The following SYN2 variants were observed in gnomAD, a reference collection of about 807,000 sequenced individuals.
SYN2 encodes the protein synapsin-2.
SYN2 carries 19 observed loss-of-function variants against 50.9 expected under a neutral mutation model. That is an observed-to-expected ratio of 0.37 (90% CI 0.26 to 0.55). The LOEUF is 0.55. Ranked by LOEUF, SYN2 falls within the 20% of genes least tolerant of loss-of-function variation. The pLI is 0.81. For missense variants in SYN2, 587 were observed against 576.4 expected (o/e 1.02, Z -0.19); for synonymous variants, 255 against 224.9 (o/e 1.13, Z -1.20).
intron 1 of SYN2, among the ~76,000 whole-genome samples, chr3:12,067,179 A>G (rs552295221): frequency 2.2e-4 from 34 of 152,338 alleles, no homozygotes; most frequent in Non-Finnish European, 4.0e-4. Context: ...GATTTGTTAA[A>G]TTATATTTCA....
At chr3:12,044,181 T>TCTCTCTCTCACACACACACACA (rs573246278) in intron 1 of SYN2, among the ~76,000 whole-genome samples, 25 of 53,402 alleles carry the variant, frequency 4.7e-4, no homozygotes, top group African/African-American at 1.1e-3. Context: ...TCTCTCTCTC[T>TCTCTCTCTCACACACACACACA]CACACACACA....
At chr3:12,149,802 T>G (rs1413994978) in intron 4 of SYN2, among the ~76,000 whole-genome samples, 1 of 152,062 alleles carries the variant, frequency 6.6e-6, no homozygotes, top group Non-Finnish European at 1.5e-5. Flanking sequence ...CAAAATCATA[T>G]CTATACCTAC....
rs796417746 is a variant in SYN2, at chr3:12,148,113, CA to C, written c.684+2290del. Among the ~76,000 whole-genome samples the C allele has an allele frequency of 1.4e-3, 186 of 137,224 alleles. No homozygotes were observed. In the Middle Eastern group the frequency reaches 0.019, roughly 14 times the overall value. 90.0% of individuals were successfully genotyped at this position (137,224 alleles called of 152,430 possible). On this transcript the variant is annotated intron_variant, in intron 4 of 12. Transcript: ENST00000621198. ...TGGGCGACAGAGCGAGACTCTGTCT[CA>C]AAAAAAAAAAAGAAATGTGTTCCCT...
At chr3:12,061,638 A>G (rs1276643906) in intron 1 of SYN2, among the ~76,000 whole-genome samples, 1 of 152,098 alleles carries the variant, frequency 6.6e-6, no homozygotes, top group Admixed American at 6.6e-5. Flanking sequence ...TTGTCTATGT[A>G]GAAAATTGCT....
intron 5 of SYN2, among the ~76,000 whole-genome samples, chr3:12,155,111 A>G (rs538123307): frequency 7.5e-4 from 50 of 66,376 alleles, no homozygotes; most frequent in African/African-American, 2.2e-3. Context: ...GTGCCACCTC[A>G]AAGCCATCTC....
chr3:12,116,022 A>G (rs1013104015), intron 1 of SYN2, among the ~76,000 whole-genome samples: 1 of 152,162 alleles, frequency 6.6e-6, no homozygotes, highest in African/African-American at 2.4e-5. Context: ...AGAGCCCTGA[A>G]TGAGTCATTG....
At chr3:12,066,084 C>G (rs1392379777) in intron 1 of SYN2, among the ~76,000 whole-genome samples, 1 of 151,940 alleles carries the variant, frequency 6.6e-6, no homozygotes, top group African/African-American at 2.4e-5. Context: ...TATACTAAAC[C>G]CTACTGAATT....
intron 1 of SYN2, among the ~76,000 whole-genome samples, chr3:12,049,591 G>A (rs1694812869): frequency 6.6e-6 from 1 of 152,098 alleles, no homozygotes. Flanking sequence ...GTATCAGAGT[G>A]CTATAGATGG....
intron 1 of SYN2, among the ~76,000 whole-genome samples, chr3:12,110,896 G>T (rs554293377): frequency 6.6e-6 from 1 of 152,320 alleles, no homozygotes; most frequent in African/African-American, 2.4e-5. Flanking sequence ...TGATTTTATA[G>T]GCTCCTAGCC....
Position 12,139,294 on chromosome 3 carries a change from C to T in SYN2, c.378-1357C>T, listed in dbSNP as rs1401722504. Reference sequence around the variant, plus strand: ...AGGGTAGGAAGTATTTGTAGTGGGACTAATGCTCACATCATTAAGTCCCTT... The same window carrying T: ...AGGGTAGGAAGTATTTGTAGTGGGATTAATGCTCACATCATTAAGTCCCTT... On this transcript the variant is annotated intron_variant, in intron 1 of 12. Coordinates refer to ENST00000621198, the MANE Select transcript of SYN2 (RefSeq NM_133625.6). 4.6e-5 allele frequency among the ~76,000 whole-genome samples: 7 copies of T among 152,272 alleles called. No homozygotes were observed. The East Asian group carries it at 1.4e-3, about 29-fold the overall frequency.
chr3:12,072,096 A>G (rs1438970952), intron 1 of SYN2, among the ~76,000 whole-genome samples: 1 of 152,214 alleles, frequency 6.6e-6, no homozygotes, highest in African/African-American at 2.4e-5. Context: ...TTAAAAAAAA[A>G]CAAAAACCTT....
intron 1 of SYN2, among the ~76,000 whole-genome samples, chr3:12,020,883 A>G (rs917169087): frequency 1.3e-5 from 2 of 152,232 alleles, no homozygotes; most frequent in Admixed American, 6.5e-5. Flanking sequence ...GTAATAAAGT[A>G]TGATTTATTA....
At chr3:12,157,017 A>G (rs1344077733) in intron 5 of SYN2, 1 of 1,002,208 alleles carries the variant, frequency 1.0e-6, no homozygotes, top group Admixed American at 2.3e-5. Flanking sequence ...CTCACTTCTC[A>G]GCCTAAAAAT....
intron 1 of SYN2, among the ~76,000 whole-genome samples, chr3:12,076,128 G>A (rs142959194): frequency 9.2e-5 from 14 of 152,178 alleles, no homozygotes; most frequent in East Asian, 5.8e-4. Flanking sequence ...TGCCTGACTC[G>A]CTGCAAAGTT....
At chr3:12,041,812 C>G (rs1407000345) in intron 1 of SYN2, among the ~76,000 whole-genome samples, 1 of 152,174 alleles carries the variant, frequency 6.6e-6, no homozygotes, top group Non-Finnish European at 1.5e-5. Flanking sequence ...GGCGTTATGT[C>G]TGATATTCCT....
chr3:12,099,703 G>A (rs1013245915), intron 1 of SYN2, among the ~76,000 whole-genome samples: 1 of 152,058 alleles, frequency 6.6e-6, no homozygotes, highest in Non-Finnish European at 1.5e-5. Flanking sequence ...AATGGCTCAC[G>A]CCTGTAATCC....
chr3:12,167,046 G>A (rs1280276059), intron 7 of SYN2, among the ~76,000 whole-genome samples, 188 bp from the exon 8 acceptor site: 1 of 152,236 alleles, frequency 6.6e-6, no homozygotes, highest in African/African-American at 2.4e-5. Context: ...GTAGAGAGGA[G>A]GAGGGCATTG....
intron 12 of SYN2, among the ~76,000 whole-genome samples, chr3:12,187,852 A>G (rs1050078008): frequency 6.6e-6 from 1 of 151,856 alleles, no homozygotes; most frequent in African/African-American, 2.4e-5. Context: ...GTGAAAGTCT[A>G]AAGTTTAGCT....
At chr3:12,088,036 G>A (rs1695748089) in intron 1 of SYN2, among the ~76,000 whole-genome samples, 1 of 152,042 alleles carries the variant, frequency 6.6e-6, no homozygotes, top group African/African-American at 2.4e-5. Context: ...GACCCCAGAA[G>A]CGCAGGCAAC....
Sources: allele counts gnomAD v4.1 joint callset (sites outside exome capture counted in the v4.1 genomes callset), GRCh38; gene constraint gnomAD v4.1.1; transcripts MANE v1.5; gene names NCBI Gene and HGNC (gene_info 2026-07-23, HGNC 2026-07-21).